Variants in ZNF600 observed in about 807,000 individuals in gnomAD.
ZNF600 encodes zinc finger protein KR-ZNF1.
ZNF600 carries 4 observed loss-of-function variants against 7.3 expected under a neutral mutation model. The ratio of observed to expected loss-of-function variants is 0.55; its 90% CI spans 0.27 to 1.25. ZNF600 has a LOEUF of 1.25. Ranked by LOEUF, ZNF600 falls within the 50% of genes most tolerant of loss-of-function variation. ZNF600 has a pLI of 0.12. For missense variants in ZNF600, 911 were observed against 922.1 expected, an observed-to-expected ratio of 0.99 and a Z score of 0.16; for synonymous variants, 290 against 308.9, an observed-to-expected ratio of 0.94 and a Z score of 0.64.
At chr19:52,781,253 G>C (rs1252640016) in intron 1 of ZNF600, 64 bp downstream of exon 2, 1 of 151,648 alleles carries the variant, frequency 6.6e-6, no homozygotes, top group African/African-American at 2.4e-5. Context: ...GTCACACACT[G>C]TATTTTGTCA....
the ZNF600 span, among the ~76,000 whole-genome samples, chr19:52,819,395 T>A: frequency 1.2e-5 from 1 of 81,124 alleles, no homozygotes; most frequent in African/African-American, 4.5e-5. Flanking sequence ...TTCCATTCTA[T>A]TGCTTTTTTT....
the ZNF600 span, chr19:52,810,707 A>G: frequency 1.3e-6 from 1 of 763,440 alleles, no homozygotes; most frequent in Non-Finnish European, 2.4e-6. Context: ...TCCCCTTACT[A>G]AAAAAAATGT....
the ZNF600 span, chr19:52,808,255 C>G: frequency 1.3e-6 from 2 of 1,507,800 alleles, no homozygotes; most frequent in Non-Finnish European, 8.9e-7. Flanking sequence ...ATCCGAGTGA[C>G]GGATTTTTCA....
At chr19:52,799,842 C>T in the ZNF600 span, 2 of 1,613,978 alleles carry the variant, frequency 1.2e-6, no homozygotes, top group Admixed American at 1.7e-5. Flanking sequence ...AACCTTGCCA[C>T]ATTCATTACA....
chr19:52,810,335 C>T, the ZNF600 span: 14,672 of 1,601,834 alleles, frequency 9.2e-3, 108 homozygotes, highest in Non-Finnish European at 0.01. Flanking sequence ...ATGTGGACTG[C>T]GGTGCAACAG....
At chr19:52,823,255 C>T in the ZNF600 span, among the ~76,000 whole-genome samples, 1 of 151,940 alleles carries the variant, frequency 6.6e-6, no homozygotes, top group Admixed American at 6.6e-5. Flanking sequence ...GCTCTGTTGC[C>T]CAGGCTGGAG....
chr19:52,788,552 G>A (rs2062783478), upstream of ZNF600, among the ~76,000 whole-genome samples: 1 of 152,196 alleles, frequency 6.6e-6, no homozygotes, highest in Admixed American at 6.5e-5. Flanking sequence ...CAGAGATTAT[G>A]TGGAGATAAG....
intron 3 of ZNF600, among the ~76,000 whole-genome samples, chr19:52,774,352 C>T (rs2062654853): frequency 6.6e-6 from 1 of 151,568 alleles, no homozygotes; most frequent in African/African-American, 2.4e-5. Flanking sequence ...TTGCTTGAAC[C>T]TGGGAGGCAG....
At chr19:52,772,401 G>A (rs902468870) in intron 3 of ZNF600, among the ~76,000 whole-genome samples, 1 of 152,084 alleles carries the variant, frequency 6.6e-6, no homozygotes, top group Non-Finnish European at 1.5e-5. Flanking sequence ...TCAGGAGTTC[G>A]AGACCAGCCT....
chr19:52,776,177 G>T (rs1390871359), intron 2 of ZNF600, among the ~76,000 whole-genome samples: 1 of 149,854 alleles, frequency 6.7e-6, no homozygotes, highest in Non-Finnish European at 1.5e-5. Context: ...ACACATACTA[G>T]GAAAATTACC....
At chr19:52,811,652 C>T in the ZNF600 span, among the ~76,000 whole-genome samples, 1 of 148,006 alleles carries the variant, frequency 6.8e-6, no homozygotes, top group Admixed American at 6.6e-5. Context: ...AACCCTCTGC[C>T]TGGCAACCGC....
chr19:52,828,408 G>A, the ZNF600 span, among the ~76,000 whole-genome samples: 38 of 152,168 alleles, frequency 2.5e-4, no homozygotes, highest in African/African-American at 7.7e-4. Context: ...CAGAAGTTGC[G>A]CTGAGCCGAG....
At chr19:52,803,378 T>C in the ZNF600 span, among the ~76,000 whole-genome samples, 5 of 152,148 alleles carry the variant, frequency 3.3e-5, no homozygotes, top group African/African-American at 1.2e-4. Context: ...CTGCACCCTG[T>C]GGCACTTTGT....
At chr19:52,815,465 C>A in the ZNF600 span, among the ~76,000 whole-genome samples, 1 of 145,040 alleles carries the variant, frequency 6.9e-6, no homozygotes. Context: ...TGCAGTGAGC[C>A]GAGATCATGC....
At chr19:52,830,101 C>T in the ZNF600 span, among the ~76,000 whole-genome samples, 3 of 151,936 alleles carry the variant, frequency 2.0e-5, no homozygotes, top group African/African-American at 7.3e-5. Flanking sequence ...TGGAAAAACC[C>T]CGTCTCTACT....
the ZNF600 span, among the ~76,000 whole-genome samples, chr19:52,813,453 A>T: frequency 8.4e-6 from 1 of 119,084 alleles, no homozygotes. Context: ...TCGCCCCCGT[A>T]GGGGCTGCTC....
chr19:52,810,546 G>T, the ZNF600 span: 1 of 1,596,110 alleles, frequency 6.3e-7, no homozygotes, highest in Non-Finnish European at 8.6e-7. Context: ...AACAGACCAG[G>T]CATCAGCACA....
the ZNF600 span, among the ~76,000 whole-genome samples, chr19:52,804,626 C>T: frequency 6.6e-6 from 1 of 152,186 alleles, no homozygotes; most frequent in Non-Finnish European, 1.5e-5. Context: ...CGATCGCAGT[C>T]TCCCAAAGTG....
the ZNF600 span, chr19:52,810,720 A>AT: frequency 2.7e-6 from 2 of 743,920 alleles, no homozygotes; most frequent in Non-Finnish European, 4.9e-6. Context: ...AAAAATGTGT[A>AT]TTAGGAGAGA....
Sources: allele counts gnomAD v4.1 joint callset (sites outside exome capture counted in the v4.1 genomes callset), GRCh38; gene constraint gnomAD v4.1.1; transcripts MANE v1.5; gene names NCBI Gene and HGNC (gene_info 2026-07-23, HGNC 2026-07-21).